The following ANO2 variants were observed in gnomAD, a reference collection of about 807,000 sequenced individuals.
ANO2 encodes the protein anoctamin-2.
ANO2 carries 101 observed loss-of-function variants against 124.2 expected under a neutral mutation model. The ratio of observed to expected loss-of-function variants is 0.81; its 90% CI spans 0.69 to 0.96. The LOEUF (loss-of-function observed/expected upper bound fraction) is 0.96, where lower values mean the gene tolerates loss of function less well. Ranked by LOEUF, ANO2 falls within the 40% of genes least tolerant of loss-of-function variation. The probability of loss-of-function intolerance (pLI) is 0.00; values close to 1 mark genes in which losing one functional copy is unlikely to be tolerated. For synonymous variants in ANO2, 486 were observed against 482.5 expected, an observed-to-expected ratio of 1.01 and a Z score of -0.09; for missense variants, 1,293 against 1,274.5, an observed-to-expected ratio of 1.01 and a Z score of -0.22.
rs577039160 is a variant in ANO2 at position 5,872,562 on chromosome 12, T to C, written c.535-18421A>G. ...CTGAAGAGCCTCAAATCATGCTACCTACATGCTGTTTGCACAAACCACTCA... is the reference window on the plus strand; with the variant it reads ...CTGAAGAGCCTCAAATCATGCTACCCACATGCTGTTTGCACAAACCACTCA... On this transcript the variant is annotated intron_variant, in intron 3 of 24. Coordinates refer to ENST00000682330, the MANE Select transcript of ANO2 (RefSeq NM_001364791.2). 4.6e-5 allele frequency among the ~76,000 whole-genome samples: 7 copies of C among 152,334 alleles called. No individual in the cohort carries two copies. In the South Asian group the frequency reaches 1.5e-3, roughly 32 times the overall value.
Position 5,562,680 on chromosome 12 carries a change from T to G in ANO2, c.*619A>C, listed in dbSNP as rs1445603316. 6.6e-6 allele frequency: 1 copy of G among 152,306 alleles called. No individual in the cohort carries two copies. The highest frequency in any genetic ancestry group is 1.5e-5 in the Non-Finnish European group (1 of 68,182). 9.4% of individuals were successfully genotyped at this position (152,306 alleles called of 1,614,324 possible). A position where few individuals can be genotyped will look rare whatever the true frequency, so the allele number is the denominator to read the frequency against. On this transcript the variant is annotated 3_prime_UTR_variant, in exon 25 of 25. Transcript: ENST00000682330. ...TTTATAAAGAATGTGTCCATTTATTTTATTATTTTAAATCTGAACTTTCAT... is the reference window on the plus strand; with the variant it reads ...TTTATAAAGAATGTGTCCATTTATTGTATTATTTTAAATCTGAACTTTCAT...
chr12:5,791,808 A>T (rs1453701061), intron 10 of ANO2, among the ~76,000 whole-genome samples: 2 of 152,186 alleles, frequency 1.3e-5, no homozygotes, highest in Non-Finnish European at 2.9e-5. Flanking sequence ...CAGTAATACA[A>T]TATGATTATA....
chr12:5,640,784 A>T (rs1946328316), intron 15 of ANO2, among the ~76,000 whole-genome samples: 1 of 152,232 alleles, frequency 6.6e-6, no homozygotes. Flanking sequence ...TGGGAGCGTG[A>T]ACTAGTTCAA....
At chr12:5,870,549 T>C (rs1418353512) in intron 3 of ANO2, 1 of 152,246 alleles carries the variant, frequency 6.6e-6, no homozygotes, top group Non-Finnish European at 1.5e-5. Flanking sequence ...CTAGCCTTAA[T>C]CATTCTACTG....
chr12:5,701,154 A>G (rs1358455664), intron 14 of ANO2, among the ~76,000 whole-genome samples: 2 of 137,996 alleles, frequency 1.4e-5, no homozygotes, highest in Non-Finnish European at 3.0e-5. Flanking sequence ...GTGACCAGGA[A>G]CTAGTCACTC....
At chr12:5,573,789 T>A (rs146294022) in intron 23 of ANO2, among the ~76,000 whole-genome samples, 4 of 152,384 alleles carry the variant, frequency 2.6e-5, no homozygotes, top group African/African-American at 9.6e-5. Flanking sequence ...TGGTTCCTCA[T>A]TTTTTATCTT....
rs1200673914 is a variant in ANO2, at chr12:5,635,424, C to T, written c.1621-77G>A. 1 of 1,128,828 alleles carries T rather than the reference C, an allele frequency of 8.9e-7. No homozygotes were observed. Among genetic ancestry groups the T allele is most frequent in the East Asian group, 2.7e-5 (1 of 36,930 alleles). The allele number at this position is 1,128,828 out of a possible 1,614,324, so 69.9% of individuals were successfully genotyped here. On this transcript the variant is annotated intron_variant, in intron 15 of 24. Transcript: ENST00000682330. This position sits in a 1 kb window ranked among gnomAD's most constrained non-coding sequence, Gnocchi z 5.2. The stretch of plus-strand genomic sequence containing the variant: ...CTACTATTTGCTCTGCCAACAGTAC[C>T]ATTTGCTGTTATCAGATATTATTAA...
chr12:5,632,569 C>T (rs770361204), intron 16 of ANO2, among the ~76,000 whole-genome samples: 7 of 151,994 alleles, frequency 4.6e-5, no homozygotes, highest in South Asian at 2.1e-4. Context: ...CCAGGGTAGC[C>T]GCTTTGGTCT....
chr12:5,807,817 G>A (rs545379425), intron 7 of ANO2, among the ~76,000 whole-genome samples: 4 of 152,304 alleles, frequency 2.6e-5, no homozygotes, highest in Non-Finnish European at 2.9e-5. Flanking sequence ...CTGATCTGCC[G>A]CCTGGACCAT....
intron 13 of ANO2, among the ~76,000 whole-genome samples, chr12:5,738,333 C>T (rs1443582650): frequency 1.3e-5 from 2 of 152,242 alleles, no homozygotes; most frequent in East Asian, 3.8e-4. Flanking sequence ...TAGTCCAAGG[C>T]AATCACTGTA....
chr12:5,936,475 GC>G (rs924508668), intron 1 of ANO2, among the ~76,000 whole-genome samples: 2 of 151,964 alleles, frequency 1.3e-5, no homozygotes, highest in African/African-American at 4.8e-5. Flanking sequence ...CCCTCTTTTT[GC>G]CCTTCTCCCC....
intron 10 of ANO2, among the ~76,000 whole-genome samples, chr12:5,767,111 A>C (rs905660639): frequency 6.6e-6 from 1 of 152,152 alleles, no homozygotes; most frequent in African/African-American, 2.4e-5. Context: ...TCTGCTCTCA[A>C]CTCTGCCAAG....
At chr12:5,942,056 C>T (rs1054375903) in intron 1 of ANO2, among the ~76,000 whole-genome samples, 2 of 148,276 alleles carry the variant, frequency 1.3e-5, no homozygotes, top group African/African-American at 2.4e-5. Flanking sequence ...AATGGAAATG[C>T]GATTAAGAAT....
intron 23 of ANO2, among the ~76,000 whole-genome samples, chr12:5,568,597 T>A (rs982612303): frequency 2.0e-5 from 3 of 152,210 alleles, no homozygotes; most frequent in Admixed American, 1.3e-4. Context: ...GTCGGGCTTA[T>A]CAAATGTTTC....
intron 3 of ANO2, among the ~76,000 whole-genome samples, chr12:5,915,617 C>G (rs1487260904): frequency 6.6e-6 from 1 of 152,180 alleles, no homozygotes; most frequent in East Asian, 1.9e-4. Context: ...AAGGGTGGGA[C>G]AGCTGAGCAG....
chr12:5,599,102 C>A (rs1033272902), intron 20 of ANO2, among the ~76,000 whole-genome samples: 3 of 152,178 alleles, frequency 2.0e-5, no homozygotes, highest in Non-Finnish European at 4.4e-5. Flanking sequence ...GGAAGACTTT[C>A]ATGGAAACTA....
intron 3 of ANO2, among the ~76,000 whole-genome samples, chr12:5,918,758 A>T (rs915620898): frequency 1.3e-5 from 2 of 152,176 alleles, no homozygotes; most frequent in African/African-American, 4.8e-5. Context: ...CTTATCAGGC[A>T]AACTTCTGAT....
At chr12:5,851,460 G>A (rs1480661771) in intron 4 of ANO2, among the ~76,000 whole-genome samples, 11 of 152,096 alleles carry the variant, frequency 7.2e-5, no homozygotes, top group Admixed American at 7.2e-4. Flanking sequence ...AGCCGAGGCG[G>A]GCAGATCATG....
rs549227671 is a variant in ANO2 at position 5,721,019 on chromosome 12, T to G, written c.1545+11501A>C. On this transcript the variant is annotated intron_variant, in intron 14 of 24. Coordinates refer to ENST00000682330, the MANE Select transcript of ANO2 (RefSeq NM_001364791.2). ...CAGGCTCCGTGCAGGGAGATGTTTA[T>G]GGACGCATTCTACACATCTCTGGCA... is the stretch of plus-strand genomic sequence containing the variant. Among the ~76,000 whole-genome samples the G allele has an allele frequency of 6.2e-4, 94 of 152,318 alleles. 1 individual carries two copies. The highest frequency in any genetic ancestry group is 4.4e-4 in the Non-Finnish European group (30 of 68,028).
Sources: gnomAD v4.1 joint callset for allele counts (sites outside exome capture counted in the v4.1 genomes callset) on GRCh38, gnomAD v4.1.1 for gene constraint, Gnocchi (gnomAD v3.1) non-coding constraint, MANE v1.5 for transcripts, NCBI Gene and HGNC (gene_info 2026-07-23, HGNC 2026-07-21) for gene names.